Variants in GALNT13 observed in about 807,000 individuals in gnomAD.
GALNT13 encodes the protein polypeptide N-acetylgalactosaminyltransferase 13.
GALNT13 carries 28 observed loss-of-function variants against 64.2 expected under a neutral mutation model. The ratio of observed to expected loss-of-function variants is 0.44; its 90% CI spans 0.32 to 0.60. GALNT13 has a LOEUF of 0.60. Ranked by LOEUF, GALNT13 falls within the 20% of genes least tolerant of loss-of-function variation. The probability of loss-of-function intolerance (pLI) is 0.05; values close to 1 mark genes in which losing one functional copy is unlikely to be tolerated. For missense variants in GALNT13, 577 were observed against 669.8 expected (o/e 0.86, Z 1.53); for synonymous variants, 214 against 224.6 (o/e 0.95, Z 0.42).
At chr2:153,222,689 C>G in the GALNT13 span, among the ~76,000 whole-genome samples, 1 of 152,204 alleles carries the variant, frequency 6.6e-6, no homozygotes, top group Non-Finnish European at 1.5e-5. Context: ...CACCCAAAAT[C>G]CAGAGGGGGC....
At chr2:153,160,937 G>C in the GALNT13 span, among the ~76,000 whole-genome samples, 2 of 152,158 alleles carry the variant, frequency 1.3e-5, no homozygotes, top group African/African-American at 4.8e-5. Flanking sequence ...ATTACTGTCA[G>C]AGAATGACTG....
the GALNT13 span, among the ~76,000 whole-genome samples, chr2:153,505,088 T>A: frequency 6.6e-6 from 1 of 152,186 alleles, no homozygotes; most frequent in Non-Finnish European, 1.5e-5. Context: ...GAGTTCTATA[T>A]CTTCCTGGTA....
chr2:153,628,690 T>G, the GALNT13 span, among the ~76,000 whole-genome samples: 1 of 152,194 alleles, frequency 6.6e-6, no homozygotes, highest in Non-Finnish European at 1.5e-5. Flanking sequence ...ATCCCAGGGA[T>G]GAAGCCCACT....
chr2:153,705,471 T>A, the GALNT13 span, among the ~76,000 whole-genome samples: 1 of 152,142 alleles, frequency 6.6e-6, no homozygotes, highest in Non-Finnish European at 1.5e-5. Context: ...ACAATAATAT[T>A]TATTTATTTC....
In GALNT13 at chr2:154,319,401, T is replaced by C. The variant is rs376452115; in HGVS notation, c.1156+17812T>C. On this transcript the variant is annotated intron_variant, in intron 9 of 12. Transcript: ENST00000392825. Reference sequence around the variant, plus strand: ...TTAATATAGGCCAAGTGTAGTGGCTTACGCCTGTAATCCCAGCATTTTGGG... The same window carrying C: ...TTAATATAGGCCAAGTGTAGTGGCTCACGCCTGTAATCCCAGCATTTTGGG... Among the ~76,000 whole-genome samples, 5 of 152,240 alleles carry C rather than the reference T, an allele frequency of 3.3e-5. No individual in the cohort carries two copies. In the East Asian group the frequency reaches 5.8e-4, roughly 18 times the overall value.
chr2:153,258,526 G>A, the GALNT13 span, among the ~76,000 whole-genome samples: 1 of 152,016 alleles, frequency 6.6e-6, no homozygotes, highest in Non-Finnish European at 1.5e-5. Context: ...TCCTTTTGTA[G>A]TTCTTTAATA....
chr2:153,808,706 A>G, the GALNT13 span, among the ~76,000 whole-genome samples: 1 of 152,168 alleles, frequency 6.6e-6, no homozygotes, highest in Non-Finnish European at 1.5e-5. Flanking sequence ...TTTTGCCCAC[A>G]TTGAAACATC....
the GALNT13 span, among the ~76,000 whole-genome samples, chr2:153,501,821 G>T: frequency 6.6e-6 from 1 of 152,142 alleles, no homozygotes; most frequent in Non-Finnish European, 1.5e-5. Context: ...TATAACTACA[G>T]CTTGGCTATC....
the GALNT13 span, among the ~76,000 whole-genome samples, chr2:153,237,910 C>G: frequency 2.6e-5 from 4 of 152,046 alleles, no homozygotes; most frequent in African/African-American, 9.7e-5. Flanking sequence ...AAACTCAAAA[C>G]TGTTCTCCAT....
chr2:154,182,749 A>C (rs774631988), intron 4 of GALNT13, among the ~76,000 whole-genome samples: 2 of 151,214 alleles, frequency 1.3e-5, no homozygotes, highest in African/African-American at 4.8e-5. Context: ...ACCCCTTTTT[A>C]AAATAAGAGT....
At chr2:153,425,606 G>A in the GALNT13 span, among the ~76,000 whole-genome samples, 1 of 151,708 alleles carries the variant, frequency 6.6e-6, no homozygotes, top group Non-Finnish European at 1.5e-5. Flanking sequence ...AGAAAAACAT[G>A]TATCTGAAAT....
At chr2:153,275,762 A>G in the GALNT13 span, among the ~76,000 whole-genome samples, 1 of 152,148 alleles carries the variant, frequency 6.6e-6, no homozygotes. Flanking sequence ...CCATTACAAT[A>G]ATATAGTCTT....
At chr2:153,154,497 C>CT in the GALNT13 span, among the ~76,000 whole-genome samples, 2 of 151,826 alleles carry the variant, frequency 1.3e-5, no homozygotes, top group African/African-American at 4.8e-5. Context: ...GTATTTTTTT[C>CT]TTTTTGTGGC....
Position 154,024,600 on chromosome 2 carries a change from T to G in GALNT13, c.142+79961T>G, listed in dbSNP as rs186072926. Among the ~76,000 whole-genome samples, 148 of 152,314 alleles carry G rather than the reference T, an allele frequency of 9.7e-4. 2 individuals are homozygous for G. In the East Asian group the frequency reaches 0.025, roughly 26 times the overall value. On this transcript the variant is annotated intron_variant, in intron 3 of 12. Transcript: ENST00000392825. ...TTCTAGTTATCCATTTGTCTAATTT[T>G]TTTTTCAAAGCTTTTAACTTCTTTG... is the stretch of plus-strand genomic sequence containing the variant.
At chr2:153,206,938 A>C in the GALNT13 span, among the ~76,000 whole-genome samples, 1 of 152,020 alleles carries the variant, frequency 6.6e-6, no homozygotes, top group Non-Finnish European at 1.5e-5. Context: ...TTTTAAGCCT[A>C]TATTCCCAGC....
chr2:153,136,565 T>C, the GALNT13 span, among the ~76,000 whole-genome samples: 2 of 152,082 alleles, frequency 1.3e-5, no homozygotes, highest in Non-Finnish European at 2.9e-5. Context: ...AGAAATATTT[T>C]TCAGCCACTC....
the GALNT13 span, among the ~76,000 whole-genome samples, chr2:153,608,912 T>C: frequency 6.9e-6 from 1 of 145,120 alleles, no homozygotes; most frequent in African/African-American, 2.5e-5. Flanking sequence ...CAATTTTTTT[T>C]ACTTCTTTTT....
chr2:153,993,092 G>C (rs1322308325), intron 3 of GALNT13, among the ~76,000 whole-genome samples: 1 of 152,054 alleles, frequency 6.6e-6, no homozygotes, highest in Non-Finnish European at 1.5e-5. Context: ...AAATTCAGAA[G>C]ATGATATATT....
At chr2:153,956,955 T>G (rs912025147) in intron 3 of GALNT13, among the ~76,000 whole-genome samples, 1 of 152,206 alleles carries the variant, frequency 6.6e-6, no homozygotes, top group African/African-American at 2.4e-5. Flanking sequence ...AGTCACCATT[T>G]AAAGCCATTT....
Sources: allele counts gnomAD v4.1 joint callset (sites outside exome capture counted in the v4.1 genomes callset), GRCh38; gene constraint gnomAD v4.1.1; transcripts MANE v1.5; gene names NCBI Gene and HGNC (gene_info 2026-07-23, HGNC 2026-07-21).